PLEKHA7: variants seen among roughly 807,000 people sequenced by gnomAD.
The protein encoded by PLEKHA7 is pleckstrin homology domain containing A7.
In PLEKHA7, 104 loss-of-function variants were observed where a neutral mutation model predicts 170.0. The observed-to-expected ratio is 0.61, with a 90% CI of 0.52 to 0.72. The LOEUF is 0.72. Among genes scored for constraint, PLEKHA7 ranks in the 30% least tolerant of loss-of-function variants. PLEKHA7 has a pLI of 0.00. For synonymous variants in PLEKHA7, 648 were observed against 660.8 expected (o/e 0.98, Z 0.30); for missense variants, 1,615 against 1,671.7 (o/e 0.97, Z 0.59).
chr11:16,894,834 C>A (rs1856900051), intron 3 of PLEKHA7, among the ~76,000 whole-genome samples: 1 of 152,136 alleles, frequency 6.6e-6, no homozygotes, highest in South Asian at 2.1e-4. Flanking sequence ...AGAGAGAGAT[C>A]CATAATGATA....
intron 4 of PLEKHA7, among the ~76,000 whole-genome samples, chr11:16,865,325 T>C (rs1469177920): frequency 1.3e-5 from 2 of 152,220 alleles, no homozygotes; most frequent in Non-Finnish European, 2.9e-5. Flanking sequence ...GCTTGGGAAG[T>C]GTCCCCTGGG....
In PLEKHA7 at chr11:16,789,042, G is replaced by A. The variant is rs1345098319; in HGVS notation, c.3357+54C>T. ...GATGTGCTTGTGTTTGGGGGACTCT[G>A]AGGGGCACTCGGCTCCCTGTCCCTG... On this transcript the variant is annotated intron_variant, in intron 23 of 26. Transcript: ENST00000531066. The surrounding 1 kb of genome is among the most constrained non-coding windows in gnomAD (Gnocchi z 4.6). The A allele has an allele frequency of 2.2e-5, 34 of 1,565,114 alleles. No homozygotes were observed. The highest frequency in any genetic ancestry group is 4.0e-5 in the African/African-American group (3 of 74,280).
Position 16,817,005 on chromosome 11 carries a change from C to G in PLEKHA7, c.1661G>C (p.Ser554Thr), listed in dbSNP as rs1404748636. 2 of 1,603,702 alleles carry G rather than the reference C, an allele frequency of 1.2e-6. No homozygotes were observed. Among genetic ancestry groups the G allele is most frequent in the Non-Finnish European group, 1.7e-6 (2 of 1,174,060 alleles). ...GSPEFTDQGR[S>T]RSMLEVPRSI... ...GCGGGGCACCTCTAGCATGCTCCTG[C>G]TCCGGCCCTGGTCGGTGAACTCTGG... is the stretch of plus-strand genomic sequence containing the variant. The change falls in exon 11 of 27, where the codon AGC becomes ACC. Residue 554 changes from serine (S) to threonine (T), a missense_variant. By Grantham distance (58) the Ser-to-Thr change is moderately conservative. Transcript: ENST00000531066. This position sits in a 1 kb window ranked among gnomAD's most constrained non-coding sequence, Gnocchi z 4.4.
chr11:16,871,021 C>T (rs1030318757), intron 4 of PLEKHA7, 78 bp downstream of exon 4: 1 of 1,128,332 alleles, frequency 8.9e-7, no homozygotes. Flanking sequence ...GAAAACAGTC[C>T]AGTAAGTTTT....
rs1479296417 is a variant in PLEKHA7 at position 16,925,870 on chromosome 11, C to A, written c.222-54688G>T. Among the ~76,000 whole-genome samples the A allele has an allele frequency of 3.3e-5, 5 of 152,368 alleles. No individual in the cohort carries two copies. The East Asian group carries it at 9.6e-4, about 29-fold the overall frequency. On this transcript the variant is annotated intron_variant, in intron 3 of 26. Coordinates refer to ENST00000531066, the MANE Select transcript of PLEKHA7 (RefSeq NM_001329630.2). Reference sequence around the variant, plus strand: ...GCGTCCGAGCCCAGCACATTCCTTTCCTCGTAGAGGATGCTGCAAGTGGGA... The same window carrying A: ...GCGTCCGAGCCCAGCACATTCCTTTACTCGTAGAGGATGCTGCAAGTGGGA...
At chr11:16,837,244 A>C (rs1238289523) in intron 9 of PLEKHA7, among the ~76,000 whole-genome samples, 1 of 152,200 alleles carries the variant, frequency 6.6e-6, no homozygotes, top group Non-Finnish European at 1.5e-5. Flanking sequence ...GGATGATACA[A>C]TGGCCTGAGA....
At chr11:16,826,688 T>C (rs1036799461) in intron 9 of PLEKHA7, 98 bp from the exon 10 acceptor site, 1 of 1,086,326 alleles carries the variant, frequency 9.2e-7, no homozygotes, top group African/African-American at 1.5e-5. Context: ...GCACAGGCTA[T>C]TCCCTCTGCT....
chr11:16,908,969 A>G (rs1858059821), intron 3 of PLEKHA7, among the ~76,000 whole-genome samples: 1 of 152,194 alleles, frequency 6.6e-6, no homozygotes, highest in African/African-American at 2.4e-5. Context: ...GAGCTGGAAC[A>G]AGCCAATTTA....
chr11:16,988,695 C>T (rs1320287674), intron 3 of PLEKHA7, among the ~76,000 whole-genome samples: 1 of 152,242 alleles, frequency 6.6e-6, no homozygotes, highest in African/African-American at 2.4e-5. Context: ...ATCCACCCAC[C>T]TCAGCCTCCC....
chr11:16,802,072 G>A (rs1194325566), intron 15 of PLEKHA7, among the ~76,000 whole-genome samples: 1 of 151,986 alleles, frequency 6.6e-6, no homozygotes, highest in African/African-American at 2.4e-5. Context: ...CTCCTTATGG[G>A]ATAAACTAAG....
In PLEKHA7 at chr11:16,906,884, G is replaced by A. The variant is rs1382152403; in HGVS notation, c.222-35702C>T. Among the ~76,000 whole-genome samples, 18 of 139,426 alleles carry A rather than the reference G, an allele frequency of 1.3e-4. 1 individual carries two copies. The East Asian group carries it at 2.6e-3, about 21-fold the overall frequency. The allele number at this position is 139,426 out of a possible 152,430, so 91.5% of individuals were successfully genotyped here. A position where few individuals can be genotyped will look rare whatever the true frequency, so the allele number is the denominator to read the frequency against. On this transcript the variant is annotated intron_variant, in intron 3 of 26. Coordinates refer to ENST00000531066, the MANE Select transcript of PLEKHA7 (RefSeq NM_001329630.2). ...CCATCCCATCTAGGAAGTGAGGAGC[G>A]TCTCTGCCACGCCGCCCATCGTCTG...
In PLEKHA7 at chr11:16,789,522, T is replaced by A; in HGVS notation, c.3157-226A>T. ...ATTCTGCAGATGCAGACACTTAGGC[T>A]CAGGCCTGTCCAGTGAGGCCAGAAC... On this transcript the variant is annotated intron_variant, in intron 22 of 26. Transcript: ENST00000531066. This position sits in a 1 kb window ranked among gnomAD's most constrained non-coding sequence, Gnocchi z 4.6. 1 of 618,894 alleles carries A rather than the reference T, an allele frequency of 1.6e-6. No individual in the cohort carries two copies. The highest frequency in any genetic ancestry group is 2.8e-6 in the Non-Finnish European group (1 of 353,530). 38.3% of individuals were successfully genotyped at this position (618,894 alleles called of 1,614,324 possible).
In PLEKHA7 at chr11:16,817,420, G is replaced by A. The variant is rs536758854; in HGVS notation, c.1344-98C>T. 1.7e-5 allele frequency: 22 copies of A among 1,265,266 alleles called. No homozygotes were observed. In the East Asian group the frequency reaches 3.8e-4, roughly 22 times the overall value. The allele number at this position is 1,265,266 out of a possible 1,614,324, so 78.4% of individuals were successfully genotyped here. On this transcript the variant is annotated intron_variant, in intron 10 of 26. Coordinates refer to ENST00000531066, the MANE Select transcript of PLEKHA7 (RefSeq NM_001329630.2). The surrounding 1 kb of genome is among the most constrained non-coding windows in gnomAD (Gnocchi z 4.4). ...TAAACCCACAAAGCTGGGCATGTGG[G>A]ACAGTCCTGTAAGAACCTCAAAAGA...
At position 17,002,987 on chromosome 11, in the gene PLEKHA7, G is replaced by T. The variant is rs1261988795; in HGVS notation, c.221+11002C>A. 3.6e-4 allele frequency among the ~76,000 whole-genome samples: 41 copies of T among 114,048 alleles called. 1 individual carries two copies. The highest frequency in any genetic ancestry group is 7.8e-4 in the Admixed American group (7 of 8,992). 74.8% of individuals were successfully genotyped at this position (114,048 alleles called of 152,430 possible). ...ATCCTTTAAGTACCAGAATAGTTGT[G>T]CCTTTTTTTTTTTTTTTTTTTTGTG... On this transcript the variant is annotated intron_variant, in intron 3 of 26. Coordinates refer to ENST00000531066, the MANE Select transcript of PLEKHA7 (RefSeq NM_001329630.2).
rs578080214 is a variant in PLEKHA7 at position 16,953,323 on chromosome 11, AATTT to A, written c.221+60662_221+60665del. On this transcript the variant is annotated intron_variant, in intron 3 of 26. Transcript: ENST00000531066. ...ACTGATTAACCAAACGAACATAAGA[AATTT>A]TAAATGAGTATGAAGAATCCAAAGA... Among the ~76,000 whole-genome samples, 28 of 152,346 alleles carry A rather than the reference AATTT, an allele frequency of 1.8e-4. 1 individual carries two copies. The South Asian group carries it at 5.6e-3, about 30-fold the overall frequency.
chr11:16,866,918 G>A (rs182989289), intron 4 of PLEKHA7, among the ~76,000 whole-genome samples: 2 of 152,316 alleles, frequency 1.3e-5, no homozygotes, highest in East Asian at 1.9e-4. Context: ...CCTGCCAACA[G>A]TGGGGAGATC....
chr11:16,928,833 T>G (rs1235284204), intron 3 of PLEKHA7, among the ~76,000 whole-genome samples: 1 of 152,150 alleles, frequency 6.6e-6, no homozygotes, highest in East Asian at 1.9e-4. Flanking sequence ...TAGGGTACAT[T>G]TGACTTTATG....
chr11:16,801,137 G>C, intron 16 of PLEKHA7, 62 bp from the exon 17 acceptor site: 1 of 1,400,338 alleles, frequency 7.1e-7, no homozygotes, highest in African/African-American at 1.4e-5. Flanking sequence ...AAGGCCTCAC[G>C]AACACCTGTA....
intron 3 of PLEKHA7, among the ~76,000 whole-genome samples, chr11:16,966,137 C>T (rs1056912373): frequency 1.3e-5 from 2 of 152,086 alleles, no homozygotes; most frequent in East Asian, 1.9e-4. Context: ...GAGCTGAGAT[C>T]GCACCATTGC....
Sources: allele counts gnomAD v4.1 joint callset (sites outside exome capture counted in the v4.1 genomes callset), GRCh38; gene constraint gnomAD v4.1.1; non-coding constraint Gnocchi (gnomAD v3.1); transcripts MANE v1.5; gene names NCBI Gene and HGNC (gene_info 2026-07-23, HGNC 2026-07-21).